The following PRKN variants were observed in gnomAD, a reference collection of about 807,000 sequenced individuals.
The protein encoded by PRKN is E3 ubiquitin-protein ligase parkin.
Under a neutral mutation model 59.5 loss-of-function variants are expected in PRKN, and 56 were observed. The observed-to-expected ratio is 0.94, with a 90% confidence interval of 0.76 to 1.18. PRKN has a LOEUF of 1.18. PRKN is among the 50% of genes most tolerant of loss of function. PRKN has a pLI of 0.00. For missense variants in PRKN, 657 were observed against 596.4 expected (o/e 1.10, Z -1.06); for synonymous variants, 250 against 222.1 (o/e 1.13, Z -1.12).
intron 7 of PRKN, among the ~76,000 whole-genome samples, chr6:161,771,285 G>A (rs964868094): frequency 6.6e-6 from 1 of 151,522 alleles, no homozygotes; most frequent in African/African-American, 2.4e-5. Context: ...GAAATTGGGA[G>A]GCAGAGCTTG....
At chr6:162,194,792 G>C (rs1228606148) in intron 4 of PRKN, among the ~76,000 whole-genome samples, 2 of 152,258 alleles carry the variant, frequency 1.3e-5, no homozygotes, top group African/African-American at 4.8e-5. Context: ...AAGGGAAAAA[G>C]AGGAAAATAT....
chr6:161,670,945 G>C (rs1159642073), intron 7 of PRKN, among the ~76,000 whole-genome samples: 5 of 152,156 alleles, frequency 3.3e-5, no homozygotes, highest in South Asian at 2.1e-4. Flanking sequence ...ACATTCATGG[G>C]TGTTGGGGAT....
intron 2 of PRKN, among the ~76,000 whole-genome samples, chr6:162,330,850 C>T (rs1386975549): frequency 2.0e-5 from 3 of 152,118 alleles, no homozygotes; most frequent in Non-Finnish European, 2.9e-5. Context: ...CCACTTGACA[C>T]ATCAGGAACT....
chr6:161,364,473 C>CAAAA (rs57773007), intron 10 of PRKN, among the ~76,000 whole-genome samples: 5 of 37,896 alleles, frequency 1.3e-4, no homozygotes, highest in African/African-American at 4.7e-4. Context: ...ACCCGCCCCG[C>CAAAA]AAAAAAAAAA....
intron 1 of PRKN, among the ~76,000 whole-genome samples, chr6:162,646,709 C>G (rs533605149): frequency 3.9e-5 from 6 of 152,104 alleles, no homozygotes; most frequent in Non-Finnish European, 8.8e-5. Context: ...TTGCACAGAC[C>G]CAGCTGGTAT....
intron 3 of PRKN, among the ~76,000 whole-genome samples, chr6:162,225,748 T>C (rs1778142074): frequency 6.6e-6 from 1 of 152,108 alleles, no homozygotes; most frequent in South Asian, 2.1e-4. Context: ...TGACAGTAGA[T>C]GTAGCTGATG....
At chr6:162,264,674 G>C (rs936415085) in intron 2 of PRKN, 5 of 152,306 alleles carry the variant, frequency 3.3e-5, no homozygotes, top group African/African-American at 1.2e-4. Flanking sequence ...CCCTAGGACT[G>C]CTCCTACTCA....
In PRKN at chr6:161,355,299, G is replaced by T. The variant is rs1414536219; in HGVS notation, c.1285+4789C>A. ...TCTTCCAGGAAGCCTCCTCCTCCGG[G>T]TCTGTGTGCCCTGATAGCTTGCTTC... On this transcript the variant is annotated intron_variant, in intron 11 of 11. Coordinates refer to ENST00000366898, the MANE Select transcript of PRKN (RefSeq NM_004562.3). This position sits in a 1 kb window ranked among gnomAD's most constrained non-coding sequence, Gnocchi z 6.8. Among the ~76,000 whole-genome samples, 1 of 152,194 alleles carries T rather than the reference G, an allele frequency of 6.6e-6. No individual in the cohort carries two copies. Among genetic ancestry groups the T allele is most frequent in the Non-Finnish European group, 1.5e-5 (1 of 68,044 alleles).
At position 161,503,788 on chromosome 6, in the gene PRKN, T is replaced by A. The variant is rs921656184; in HGVS notation, c.1083+45066A>T. On this transcript the variant is annotated intron_variant, in intron 9 of 11. Transcript: ENST00000366898. The surrounding 1 kb of genome is among the most constrained non-coding windows in gnomAD (Gnocchi z 5.1). ...GGTGGCCGTGACACAAAGTCAGATG[T>A]GAGCATTCTTTTAGAATCCACTGTG... is the stretch of plus-strand genomic sequence containing the variant. 1.3e-5 allele frequency among the ~76,000 whole-genome samples: 2 copies of A among 152,234 alleles called. No homozygotes were observed. Among genetic ancestry groups the A allele is most frequent in the African/African-American group, 4.8e-5 (2 of 41,466 alleles).
chr6:161,576,707 G>A lies in PRKN; in HGVS notation c.872-7291C>T, dbSNP rs1781142893. Among the ~76,000 whole-genome samples the A allele has an allele frequency of 6.6e-6, 1 of 152,194 alleles. No homozygotes were observed. The highest frequency in any genetic ancestry group is 2.4e-5 in the African/African-American group (1 of 41,458). ...GAAGTAACATTTTGGATGGTCATTAGCACTGTGTGGAAAAGAGAAAATACA... is the reference window on the plus strand; with the variant it reads ...GAAGTAACATTTTGGATGGTCATTAACACTGTGTGGAAAAGAGAAAATACA... On this transcript the variant is annotated intron_variant, in intron 7 of 11. Transcript: ENST00000366898. The surrounding 1 kb of genome is among the most constrained non-coding windows in gnomAD (Gnocchi z 4.6).
In PRKN at chr6:161,352,491, T is replaced by C. The variant is rs1389449835; in HGVS notation, c.1286-2280A>G. Among the ~76,000 whole-genome samples, 1 of 152,022 alleles carries C rather than the reference T, an allele frequency of 6.6e-6. No homozygotes were observed. The highest frequency in any genetic ancestry group is 2.4e-5 in the African/African-American group (1 of 41,420). On this transcript the variant is annotated intron_variant, in intron 11 of 11. Transcript: ENST00000366898. The surrounding 1 kb of genome is among the most constrained non-coding windows in gnomAD (Gnocchi z 5.8). ...TATATTTATGATGTAAATAATATGT[T>C]ATATGGTGTGACATTATAAAACCAC...
At chr6:162,474,048 C>T (rs1791887470) in intron 1 of PRKN, among the ~76,000 whole-genome samples, 1 of 152,020 alleles carries the variant, frequency 6.6e-6, no homozygotes, top group Admixed American at 6.6e-5. Flanking sequence ...TGGGTGATTC[C>T]AGGATAGCTG....
chr6:162,039,885 T>C (rs1030612240), intron 5 of PRKN, among the ~76,000 whole-genome samples: 3 of 152,240 alleles, frequency 2.0e-5, no homozygotes, highest in Non-Finnish European at 2.9e-5. Flanking sequence ...GTGGAAGGTA[T>C]GCCCGTCATC....
At chr6:162,275,646 G>T (rs772497036) in intron 2 of PRKN, among the ~76,000 whole-genome samples, 6 of 151,984 alleles carry the variant, frequency 3.9e-5, no homozygotes, top group Non-Finnish European at 7.4e-5. Flanking sequence ...TTAGCCAGGC[G>T]TGGTGGCGGA....
chr6:162,339,903 G>A (rs1198745137), intron 2 of PRKN, among the ~76,000 whole-genome samples: 6 of 149,032 alleles, frequency 4.0e-5, no homozygotes, highest in Admixed American at 6.7e-5. Context: ...TAAGGGCGGT[G>A]CAAGATGTGC....
chr6:162,093,277 T>G (rs1779585003), intron 4 of PRKN, among the ~76,000 whole-genome samples: 1 of 152,114 alleles, frequency 6.6e-6, no homozygotes, highest in African/African-American at 2.4e-5. Context: ...CTAGGAAAGG[T>G]GTAAATATCT....
intron 1 of PRKN, among the ~76,000 whole-genome samples, chr6:162,678,592 C>T (rs1417489678): frequency 6.6e-6 from 1 of 152,166 alleles, no homozygotes; most frequent in Non-Finnish European, 1.5e-5. Flanking sequence ...CATCTGTATA[C>T]TATCTTTGGG....
At chr6:162,047,214 A>T (rs1784287400) in intron 5 of PRKN, among the ~76,000 whole-genome samples, 1 of 152,228 alleles carries the variant, frequency 6.6e-6, no homozygotes, top group Admixed American at 6.5e-5. Flanking sequence ...CCAGGGCAGA[A>T]GGAAAAGGGG....
intron 5 of PRKN, among the ~76,000 whole-genome samples, chr6:161,988,008 A>G (rs570040579): frequency 6.6e-6 from 1 of 152,128 alleles, no homozygotes; most frequent in East Asian, 1.9e-4. Flanking sequence ...GCCCAGGCTT[A>G]TCATTATAGA....
Sources: allele counts gnomAD v4.1 joint callset (sites outside exome capture counted in the v4.1 genomes callset), GRCh38; gene constraint gnomAD v4.1.1; non-coding constraint Gnocchi (gnomAD v3.1); transcripts MANE v1.5; gene names NCBI Gene and HGNC (gene_info 2026-07-23, HGNC 2026-07-21).